MFSD11: variants seen among roughly 807,000 people sequenced by gnomAD.
MFSD11 encodes the protein UNC93-like protein MFSD11.
A neutral mutation model predicts 53.5 loss-of-function variants in MFSD11; 36 were observed. That is an observed-to-expected ratio of 0.67 (90% confidence interval 0.52 to 0.89). The LOEUF is 0.89. MFSD11 is among the 40% of genes least tolerant of loss of function. MFSD11 has a pLI of 0.00. For synonymous variants in MFSD11, 186 were observed against 184.9 expected (o/e 1.01, Z -0.05); for missense variants, 530 against 543.9 (o/e 0.97, Z 0.25).
downstream of MFSD11, among the ~76,000 whole-genome samples, chr17:76,782,115 T>C (rs971415685): frequency 1.3e-5 from 2 of 151,376 alleles, no homozygotes; most frequent in East Asian, 2.0e-4. Context: ...GCTACTATGC[T>C]TTTTTTTCTC....
intron 9 of MFSD11, 142 bp downstream of exon 9, chr17:76,767,593 C>T (rs1264526684): frequency 1.7e-6 from 1 of 575,220 alleles, no homozygotes; most frequent in Admixed American, 3.6e-5. Flanking sequence ...CTTGGGGTCT[C>T]TTGTGGCTGG....
At chr17:76,755,812 A>ATATATATATTTT (rs1555669398) in intron 8 of MFSD11, among the ~76,000 whole-genome samples, 2 of 19,520 alleles carry the variant, frequency 1.0e-4, no homozygotes, top group African/African-American at 1.6e-4. Flanking sequence ...ATATATATAT[A>ATATATATATTTT]TTTTTTTTTT....
rs1465752518 is a variant in MFSD11, at chr17:76,776,548, T to C, written c.1185+7T>C. Reference sequence around the variant, plus strand: ...CATCTTCAAGTTTGTTCAGGTAACCTCTTCAGATTGTGATTGTGTTTGACA... The same window carrying C: ...CATCTTCAAGTTTGTTCAGGTAACCCCTTCAGATTGTGATTGTGTTTGACA... On this transcript the variant is annotated splice_region_variant and intron_variant, in intron 12 of 12. Transcript: ENST00000685175. This position sits in a 1 kb window ranked among gnomAD's most constrained non-coding sequence, Gnocchi z 4.2. The C allele has an allele frequency of 1.2e-6, 2 of 1,613,298 alleles. No homozygotes were observed. The highest frequency in any genetic ancestry group is 1.7e-6 in the Non-Finnish European group (2 of 1,179,798).
At chr17:76,781,402 A>T (rs907113355), downstream of MFSD11, 1 of 152,112 alleles carries the variant, frequency 6.6e-6, no homozygotes, top group African/African-American at 2.4e-5. Flanking sequence ...TAACTTCATC[A>T]CTGTTGCACT....
At chr17:76,798,865 G>A in the MFSD11 span, among the ~76,000 whole-genome samples, 2 of 151,136 alleles carry the variant, frequency 1.3e-5, no homozygotes, top group Non-Finnish European at 3.0e-5. Context: ...CCGTCTCTAC[G>A]AAAAATACAA....
chr17:76,782,066 C>T (rs1443927733), downstream of MFSD11, among the ~76,000 whole-genome samples: 3 of 151,328 alleles, frequency 2.0e-5, no homozygotes, highest in African/African-American at 7.4e-5. Context: ...AGTGATCCTC[C>T]TGCCTCGGCC....
intron 7 of MFSD11, among the ~76,000 whole-genome samples, chr17:76,749,252 T>C (rs1213773225): frequency 6.6e-6 from 1 of 152,094 alleles, no homozygotes; most frequent in African/African-American, 2.4e-5. Flanking sequence ...CTGTGGTTCC[T>C]TTTCCAGGTA....
In MFSD11 at chr17:76,752,329, T is replaced by A. The variant is rs1238846895; in HGVS notation, c.642-1718T>A. Among the ~76,000 whole-genome samples the A allele has an allele frequency of 2.0e-5, 3 of 152,142 alleles. No individual in the cohort carries two copies. In the East Asian group the frequency reaches 5.8e-4, roughly 29 times the overall value. On this transcript the variant is annotated intron_variant, in intron 7 of 12. Transcript: ENST00000685175. The stretch of plus-strand genomic sequence containing the variant: ...TGAATAAGAAAAATACGTTTTAAGC[T>A]TTGGAGCATGATTTCAAGCACTCAG...
At chr17:76,762,205 C>T (rs2080326636) in intron 8 of MFSD11, among the ~76,000 whole-genome samples, 1 of 152,102 alleles carries the variant, frequency 6.6e-6, no homozygotes, top group African/African-American at 2.4e-5. Flanking sequence ...TAAATAGAAT[C>T]ATACAACATG....
At chr17:76,758,581 CAAAAAAAAA>C (rs56750819) in intron 8 of MFSD11, among the ~76,000 whole-genome samples, 55 of 58,048 alleles carry the variant, frequency 9.5e-4, no homozygotes, top group Middle Eastern at 7.2e-3. Flanking sequence ...GACCAGGTCT[CAAAAAAAAA>C]AAAAAAAAAA....
chr17:76,774,872 G>T, intron 10 of MFSD11, 125 bp from the exon 11 acceptor site: 2 of 914,728 alleles, frequency 2.2e-6, no homozygotes, highest in South Asian at 3.4e-5. Flanking sequence ...GTGCTGAGGT[G>T]TTGGGTTTTT....
At chr17:76,752,719 T>C (rs1410978360) in intron 7 of MFSD11, among the ~76,000 whole-genome samples, 6 of 152,126 alleles carry the variant, frequency 3.9e-5, no homozygotes, top group Non-Finnish European at 7.3e-5. Context: ...TGACCTGCCT[T>C]GTATGGATAA....
At chr17:76,770,581 A>G (rs1296908839) in intron 10 of MFSD11, among the ~76,000 whole-genome samples, 1 of 152,190 alleles carries the variant, frequency 6.6e-6, no homozygotes, top group Non-Finnish European at 1.5e-5. Context: ...TTAAGGGTTC[A>G]GTCCTACAGA....
rs565245061 is a variant in MFSD11 at position 76,753,985 on chromosome 17, C to T, written c.642-62C>T. ...TTACGAACGTAAATGAAAATGTGAT[C>T]GTATGTTTGTTCTTTTATTTTCAAA... On this transcript the variant is annotated intron_variant, in intron 7 of 12. Transcript: ENST00000685175. The T allele has an allele frequency of 4.4e-6, 6 of 1,357,590 alleles. No homozygotes were observed. The Admixed American group carries it at 5.7e-5, about 13-fold the overall frequency. The allele number at this position is 1,357,590 out of a possible 1,614,324, so 84.1% of individuals were successfully genotyped here. A position where few individuals can be genotyped will look rare whatever the true frequency, so the allele number is the denominator to read the frequency against.
chr17:76,789,032 C>T, the MFSD11 span, among the ~76,000 whole-genome samples: 1 of 149,838 alleles, frequency 6.7e-6, no homozygotes, highest in East Asian at 1.9e-4. Context: ...ATCCCAGCTA[C>T]TGGGGAGGCT....
intron 7 of MFSD11, among the ~76,000 whole-genome samples, chr17:76,747,631 C>G (rs2078673467): frequency 1.3e-5 from 2 of 152,106 alleles, no homozygotes; most frequent in Admixed American, 1.3e-4. Context: ...CCGCGCCTGG[C>G]AAAACATTTT....
chr17:76,747,660 G>A (rs2144273921), intron 7 of MFSD11, among the ~76,000 whole-genome samples: 1 of 152,260 alleles, frequency 6.6e-6, no homozygotes, highest in East Asian at 1.9e-4. Context: ...GCACAAACCA[G>A]TAGTTACTGG....
the MFSD11 span, among the ~76,000 whole-genome samples, chr17:76,792,641 A>G: frequency 6.6e-6 from 1 of 151,312 alleles, no homozygotes; most frequent in Non-Finnish European, 1.5e-5. Context: ...ACCTGTGAAT[A>G]TGTTAGTTCC....
the MFSD11 span, among the ~76,000 whole-genome samples, chr17:76,794,433 C>T: frequency 4.8e-5 from 7 of 146,974 alleles, no homozygotes; most frequent in South Asian, 2.1e-4. Context: ...GCCTAGATCA[C>T]GCCACTGCAC....
Sources: allele counts gnomAD v4.1 joint callset (sites outside exome capture counted in the v4.1 genomes callset), GRCh38; gene constraint gnomAD v4.1.1; non-coding constraint Gnocchi (gnomAD v3.1); transcripts MANE v1.5; gene names NCBI Gene and HGNC (gene_info 2026-07-23, HGNC 2026-07-21).